Variants in FAT3 observed in about 807,000 individuals in gnomAD.
FAT3 encodes the protein FAT atypical cadherin 3, also known as protocadherin Fat 3.
FAT3 carries 95 observed loss-of-function variants against 310.2 expected under a neutral mutation model. The observed-to-expected ratio is 0.31, with a 90% CI of 0.26 to 0.36. The LOEUF is 0.36. Ranked by LOEUF, FAT3 falls within the 10% of genes least tolerant of loss-of-function variation. The pLI is 1.00. For synonymous variants in FAT3, 2,314 were observed against 2,192.9 expected, an observed-to-expected ratio of 1.06 and a Z score of -1.54; for missense variants, 5,408 against 5,715.6, an observed-to-expected ratio of 0.95 and a Z score of 1.74.
chr11:92,736,552 G>T (rs1945354574), intron 4 of FAT3, among the ~76,000 whole-genome samples: 1 of 152,128 alleles, frequency 6.6e-6, no homozygotes, highest in South Asian at 2.1e-4. Flanking sequence ...TGTCTGATCA[G>T]ACCCACACAA....
At chr11:92,505,804 G>A (rs2135289030) in intron 2 of FAT3, among the ~76,000 whole-genome samples, 1 of 152,264 alleles carries the variant, frequency 6.6e-6, no homozygotes, top group South Asian at 2.1e-4. Flanking sequence ...CCCACTGGAA[G>A]AAGAAACATT....
chr11:92,872,708 G>A (rs561225312), intron 22 of FAT3, among the ~76,000 whole-genome samples: 1 of 152,300 alleles, frequency 6.6e-6, no homozygotes, highest in South Asian at 2.1e-4. Context: ...GAAAATATTA[G>A]AGGCTTGGCC....
intron 3 of FAT3, among the ~76,000 whole-genome samples, chr11:92,540,582 T>C (rs1213529417): frequency 1.3e-5 from 2 of 152,206 alleles, no homozygotes; most frequent in South Asian, 2.1e-4. Flanking sequence ...TGTTTCACTA[T>C]TGACCATGAC....
intron 3 of FAT3, among the ~76,000 whole-genome samples, chr11:92,633,864 C>G (rs1210412387): frequency 6.6e-6 from 1 of 152,114 alleles, no homozygotes; most frequent in Non-Finnish European, 1.5e-5. Flanking sequence ...TTCTGCCTGC[C>G]TGTCATTATT....
rs763731738 is a variant in FAT3, at chr11:92,801,311, G to A, written c.8298G>A (p.Lys2766=). ...TAGAACAGGAAACAGGCACTATTAA[G>A]CTTGACAAACGCCTTGACCGTGAAA... ...FVIEQETGTI[K]LDKRLDRETS... is the part of the protein sequence containing the mutation. Residue 2766 remains lysine (K), a synonymous_variant, in exon 10 of 28, where the codon AAG becomes AAA. Coordinates refer to ENST00000525166, the MANE Select transcript of FAT3 (RefSeq NM_001367949.2). 2.5e-5 allele frequency: 40 copies of A among 1,613,846 alleles called. No individual in the cohort carries two copies. In the South Asian group the frequency reaches 4.1e-4, roughly 16 times the overall value.
chr11:92,566,889 A>G (rs1379601354), intron 3 of FAT3, among the ~76,000 whole-genome samples: 9 of 152,232 alleles, frequency 5.9e-5, no homozygotes, highest in African/African-American at 2.2e-4. Flanking sequence ...AATCAATTCA[A>G]GATGGATTAA....
chr11:92,230,675 G>A (rs1474855983), intron 1 of FAT3, among the ~76,000 whole-genome samples: 1 of 152,070 alleles, frequency 6.6e-6, no homozygotes, highest in African/African-American at 2.4e-5. Context: ...CAAGACAGTG[G>A]GCAAGATTCA....
At chr11:92,469,659 C>T (rs139083444) in intron 2 of FAT3, among the ~76,000 whole-genome samples, 2,020 of 151,786 alleles carry the variant, frequency 0.013, 28 homozygotes, top group Non-Finnish European at 0.019. Flanking sequence ...GGATTACAGG[C>T]ACCTGCCACC....
chr11:92,355,107 G>C lies in FAT3; in HGVS notation c.2995G>C (p.Asp999His). The change falls in exon 2 of 28, where the codon GAT (aspartate) becomes CAT (histidine). Residue 999 changes from aspartate to histidine, a missense_variant. Asp to His is a moderately conservative substitution (Grantham distance 81). Transcript: ENST00000525166. ...SGAIRLSKEL[D>H]YEKQQFYNLT... Reference sequence around the variant, plus strand: ...TGCCATCCGCTTGAGCAAAGAGCTTGATTATGAGAAACAGCAGTTCTATAA... The same window carrying C: ...TGCCATCCGCTTGAGCAAAGAGCTTCATTATGAGAAACAGCAGTTCTATAA... 6.2e-7 allele frequency: 1 copy of C among 1,613,792 alleles called. No individual in the cohort carries two copies. Among genetic ancestry groups the C allele is most frequent in the Non-Finnish European group, 8.5e-7 (1 of 1,179,854 alleles).
chr11:92,613,859 C>T (rs1288008151), intron 3 of FAT3, among the ~76,000 whole-genome samples: 1 of 152,124 alleles, frequency 6.6e-6, no homozygotes, highest in Non-Finnish European at 1.5e-5. Flanking sequence ...CATGTTATAG[C>T]CCCAAAAGCA....
chr11:92,728,794 C>A (rs146608626), intron 4 of FAT3, among the ~76,000 whole-genome samples: 14 of 152,226 alleles, frequency 9.2e-5, no homozygotes, highest in Non-Finnish European at 5.9e-5. Context: ...GTGGCCACAT[C>A]CCTCTAATCT....
chr11:92,292,749 A>T (rs1215406021), intron 1 of FAT3, among the ~76,000 whole-genome samples: 1 of 152,092 alleles, frequency 6.6e-6, no homozygotes, highest in Non-Finnish European at 1.5e-5. Flanking sequence ...GTGGGCTAGA[A>T]GCATGCATTG....
chr11:92,405,180 C>G (rs1950110196), intron 2 of FAT3, among the ~76,000 whole-genome samples: 1 of 152,076 alleles, frequency 6.6e-6, no homozygotes, highest in South Asian at 2.1e-4. Context: ...CCAAGCAGAT[C>G]TCTCCTGTTT....
chr11:92,561,770 C>T (rs758754737), intron 3 of FAT3, among the ~76,000 whole-genome samples: 79 of 152,178 alleles, frequency 5.2e-4, no homozygotes, highest in Middle Eastern at 3.4e-3. Flanking sequence ...GGATTGCAGG[C>T]GTGCACCACC....
In FAT3 at chr11:92,599,202, A is replaced by C. The variant is rs188317273; in HGVS notation, c.3607+74254A>C. 4.6e-5 allele frequency among the ~76,000 whole-genome samples: 7 copies of C among 152,334 alleles called. No individual in the cohort carries two copies. In the East Asian group the frequency reaches 1.2e-3, roughly 25 times the overall value. On this transcript the variant is annotated intron_variant, in intron 3 of 27. Coordinates refer to ENST00000525166, the MANE Select transcript of FAT3 (RefSeq NM_001367949.2). ...CCCAAGACTGAGTAATTTATGAAGA[A>C]AGAGGTTTAATTGACTCACAGTTTT... is the stretch of plus-strand genomic sequence containing the variant.
At chr11:92,861,116 T>G (rs1052648271) in intron 21 of FAT3, among the ~76,000 whole-genome samples, 2 of 152,214 alleles carry the variant, frequency 1.3e-5, no homozygotes, top group African/African-American at 2.4e-5. Context: ...CTTGGGTCAG[T>G]AGATCATTTT....
intron 3 of FAT3, among the ~76,000 whole-genome samples, chr11:92,647,941 A>G (rs1365194422): frequency 6.6e-6 from 1 of 152,154 alleles, no homozygotes; most frequent in Non-Finnish European, 1.5e-5. Flanking sequence ...TCCAGTGAAA[A>G]AATATGCCTA....
At chr11:92,363,351 A>T (rs1215119751) in intron 2 of FAT3, among the ~76,000 whole-genome samples, 1 of 152,162 alleles carries the variant, frequency 6.6e-6, no homozygotes, top group Non-Finnish European at 1.5e-5. Context: ...CATTGAAGAA[A>T]CCATTAGCTT....
chr11:92,502,916 T>C (rs141336641), intron 2 of FAT3, among the ~76,000 whole-genome samples: 2 of 152,144 alleles, frequency 1.3e-5, no homozygotes, highest in African/African-American at 4.8e-5. Context: ...ACTAAAACTT[T>C]AAAATCTGTT....
Sources: gnomAD v4.1 joint callset for allele counts (sites outside exome capture counted in the v4.1 genomes callset) on GRCh38, gnomAD v4.1.1 for gene constraint, MANE v1.5 for transcripts, NCBI Gene and HGNC (gene_info 2026-07-23, HGNC 2026-07-21) for gene names.